The following ANKH variants were observed in gnomAD, a reference collection of about 807,000 sequenced individuals.
ANKH encodes the protein ANKH inorganic pyrophosphate transport regulator.
Under a neutral mutation model 49.0 loss-of-function variants are expected in ANKH, and 15 were observed. That is an observed-to-expected ratio of 0.31 (90% confidence interval 0.20 to 0.47). The LOEUF (loss-of-function observed/expected upper bound fraction) is 0.47. Ranked by LOEUF, ANKH falls within the 20% of genes least tolerant of loss-of-function variation. ANKH has a pLI of 1.00. For synonymous variants in ANKH, 273 were observed against 260.0 expected, an observed-to-expected ratio of 1.05 and a Z score of -0.48; for missense variants, 429 against 652.0, an observed-to-expected ratio of 0.66 and a Z score of 3.72.
chr5:14,830,132 T>C (rs1463749556), intron 1 of ANKH, among the ~76,000 whole-genome samples: 2 of 152,198 alleles, frequency 1.3e-5, no homozygotes, highest in African/African-American at 4.8e-5. Flanking sequence ...ACTGAACACA[T>C]ACCTATGGAC....
At chr5:14,865,763 C>T (rs1735626715) in intron 1 of ANKH, among the ~76,000 whole-genome samples, 1 of 152,138 alleles carries the variant, frequency 6.6e-6, no homozygotes, top group Admixed American at 6.5e-5. Context: ...GGAGAGGGTG[C>T]ACTTCTCCAA....
At chr5:14,763,326 A>G (rs1315294611) in intron 2 of ANKH, among the ~76,000 whole-genome samples, 1 of 152,212 alleles carries the variant, frequency 6.6e-6, no homozygotes, top group Admixed American at 6.5e-5. Context: ...CTTCTAGGGT[A>G]TCATTTCCAA....
At chr5:14,848,278 G>A (rs991087902) in intron 1 of ANKH, among the ~76,000 whole-genome samples, 1 of 152,190 alleles carries the variant, frequency 6.6e-6, no homozygotes, top group African/African-American at 2.4e-5. Context: ...GAGTAGTGAA[G>A]AGAGCTCACT....
chr5:14,851,559 CA>C (rs1164499953), intron 1 of ANKH, among the ~76,000 whole-genome samples: 2 of 152,154 alleles, frequency 1.3e-5, no homozygotes, highest in African/African-American at 4.8e-5. Context: ...AAGGGAAAGG[CA>C]ATGTTCATTT....
intron 2 of ANKH, among the ~76,000 whole-genome samples, chr5:14,767,105 G>C (rs1580052289): frequency 6.6e-6 from 1 of 152,194 alleles, no homozygotes; most frequent in Admixed American, 6.5e-5. Context: ...AGAATGGCTG[G>C]GGGGTGGAGA....
At chr5:14,867,648 T>C (rs917443624) in intron 1 of ANKH, among the ~76,000 whole-genome samples, 12 of 152,016 alleles carry the variant, frequency 7.9e-5, no homozygotes, top group South Asian at 2.1e-4. Context: ...CAAGCTCCGC[T>C]TCCCGGGTTC....
intron 1 of ANKH, among the ~76,000 whole-genome samples, chr5:14,860,559 T>C (rs1475731026): frequency 2.0e-5 from 3 of 152,122 alleles, no homozygotes; most frequent in Admixed American, 1.3e-4. Flanking sequence ...CACACTACTA[T>C]TCCCCTCTAT....
chr5:14,800,141 A>G (rs1018372947), intron 1 of ANKH, among the ~76,000 whole-genome samples: 1 of 152,220 alleles, frequency 6.6e-6, no homozygotes, highest in Non-Finnish European at 1.5e-5. Context: ...CAAGAGAACT[A>G]GAGTTAGAAG....
chr5:14,711,224 G>GATGTCTGTCACCTCCTCTGTCGGAGGC lies in ANKH; in HGVS notation c.1425_1451dup (p.Met475_Asp483dup). The GATGTCTGTCACCTCCTCTGTCGGAGGC allele has an allele frequency of 6.2e-7, 1 of 1,614,042 alleles. No individual in the cohort carries two copies. Among genetic ancestry groups the GATGTCTGTCACCTCCTCTGTCGGAGGC allele is most frequent in the Non-Finnish European group, 8.5e-7 (1 of 1,179,982 alleles). On this transcript the variant is annotated inframe_insertion, in exon 12 of 12. Transcript: ENST00000284268. ...ATTCATTCTCCTCTCTCATTTCCAC[G>GATGTCTGTCACCTCCTCTGTCGGAGGC]ATGTCTGTCACCTCCTCTGTCGGAG... is the stretch of plus-strand genomic sequence containing the variant.
chr5:14,749,796 T>C (rs558310513), intron 5 of ANKH, among the ~76,000 whole-genome samples: 2 of 152,364 alleles, frequency 1.3e-5, no homozygotes, highest in African/African-American at 4.8e-5. Flanking sequence ...AGGTTCTTAT[T>C]CTCGGAGCTC....
At chr5:14,793,005 TAA>T (rs1554006416) in intron 1 of ANKH, among the ~76,000 whole-genome samples, 3 of 60,294 alleles carry the variant, frequency 5.0e-5, no homozygotes, top group Non-Finnish European at 1.1e-4. Flanking sequence ...TATATATATA[TAA>T]ATATATATAT....
rs1055985924 is a variant in ANKH, at chr5:14,710,315, C to T, written c.*882G>A. On this transcript the variant is annotated 3_prime_UTR_variant, in exon 12 of 12. Transcript: ENST00000284268. ...CAAAGTTAGGATGCTCCATGTGACT[C>T]GCTCTAATGCGACCTTCAGGAAAGG... is the stretch of plus-strand genomic sequence containing the variant. 3.3e-5 allele frequency: 5 copies of T among 152,214 alleles called. No homozygotes were observed. The highest frequency in any genetic ancestry group is 6.5e-5 in the Admixed American group (1 of 15,286). The allele number at this position is 152,214 out of a possible 1,614,324, so 9.4% of individuals were successfully genotyped here.
intron 8 of ANKH, among the ~76,000 whole-genome samples, chr5:14,740,202 G>C (rs1465333355): frequency 1.3e-5 from 2 of 152,142 alleles, no homozygotes; most frequent in Non-Finnish European, 2.9e-5. Context: ...ATGCAGATGA[G>C]GTCCAAGTCA....
At chr5:14,757,440 T>A (rs1288788023) in intron 3 of ANKH, among the ~76,000 whole-genome samples, 29 of 127,264 alleles carry the variant, frequency 2.3e-4, no homozygotes, top group Admixed American at 5.3e-4. Context: ...ATTTTTTTTT[T>A]TTTTTTTTTG....
At chr5:14,765,787 C>T (rs968444512) in intron 2 of ANKH, among the ~76,000 whole-genome samples, 3 of 152,142 alleles carry the variant, frequency 2.0e-5, no homozygotes, top group Non-Finnish European at 2.9e-5. Flanking sequence ...TGCTGCGACC[C>T]ATTAACTGAT....
chr5:14,809,199 G>C (rs1167260904), intron 1 of ANKH, among the ~76,000 whole-genome samples: 13 of 90,584 alleles, frequency 1.4e-4, no homozygotes, highest in South Asian at 5.9e-4. Flanking sequence ...GTCGGGGGAG[G>C]GGGGAGGGAT....
In ANKH at chr5:14,713,941, C is replaced by T. The variant is rs1300277575; in HGVS notation, c.1142-274G>A. Among the ~76,000 whole-genome samples the T allele has an allele frequency of 6.6e-6, 1 of 152,254 alleles. No individual in the cohort carries two copies. The highest frequency in any genetic ancestry group is 2.4e-5 in the African/African-American group (1 of 41,470). ...CTCCACTGGGACAGCATCTTCCAGG[C>T]AGCCTAGCTGCTCTTGTCCAGTCCT... On this transcript the variant is annotated intron_variant, in intron 9 of 11. Transcript: ENST00000284268. This position sits in a 1 kb window ranked among gnomAD's most constrained non-coding sequence, Gnocchi z 4.4.
chr5:14,845,048 CT>C (rs1741917231), intron 1 of ANKH, among the ~76,000 whole-genome samples: 1 of 149,858 alleles, frequency 6.7e-6, no homozygotes, highest in Non-Finnish European at 1.5e-5. Context: ...AAAAAAGGCC[CT>C]TTTCCTACAA....
Position 14,798,484 on chromosome 5 carries a change from G to A in ANKH, c.97-29293C>T, listed in dbSNP as rs571546876. On this transcript the variant is annotated intron_variant, in intron 1 of 11. Coordinates refer to ENST00000284268, the MANE Select transcript of ANKH (RefSeq NM_054027.6). The stretch of plus-strand genomic sequence containing the variant: ...CTGCAGGCGTTCGCTCTGCGCACGC[G>A]GTCTCTATTTTTTTTTTTAATTAAC... 77 of 1,004,668 alleles carry A rather than the reference G, an allele frequency of 7.7e-5. No individual in the cohort carries two copies. The African/African-American group carries it at 1.2e-3, about 16-fold the overall frequency. 62.2% of individuals were successfully genotyped at this position (1,004,668 alleles called of 1,614,324 possible).
Sources: allele counts gnomAD v4.1 joint callset (sites outside exome capture counted in the v4.1 genomes callset), GRCh38; gene constraint gnomAD v4.1.1; non-coding constraint Gnocchi (gnomAD v3.1); transcripts MANE v1.5; gene names NCBI Gene and HGNC (gene_info 2026-07-23, HGNC 2026-07-21).